Variants in EPB41L3 observed in about 807,000 individuals in gnomAD.
EPB41L3 encodes band 4.1-like protein 3.
EPB41L3 carries 57 observed loss-of-function variants against 127.1 expected under a neutral mutation model. The observed-to-expected ratio is 0.45, with a 90% CI of 0.36 to 0.56. The LOEUF (loss-of-function observed/expected upper bound fraction) is 0.56, where lower values mean the gene tolerates loss of function less well. EPB41L3 is among the 20% of genes least tolerant of loss of function. The probability of loss-of-function intolerance (pLI) is 0.00; values close to 1 mark genes in which losing one functional copy is unlikely to be tolerated. For missense variants in EPB41L3, 1,273 were observed against 1,372.2 expected, an observed-to-expected ratio of 0.93 and a Z score of 1.14; for synonymous variants, 572 against 549.5, an observed-to-expected ratio of 1.04 and a Z score of -0.57.
intron 3 of EPB41L3, among the ~76,000 whole-genome samples, chr18:5,597,044 G>A (rs1370770990): frequency 2.0e-5 from 3 of 152,168 alleles, no homozygotes; most frequent in South Asian, 2.1e-4. Flanking sequence ...GCAACTTTGC[G>A]ACACCCCCAT....
At chr18:5,520,704 T>C (rs1484192627) in intron 1 of EPB41L3, among the ~76,000 whole-genome samples, 1 of 152,154 alleles carries the variant, frequency 6.6e-6, no homozygotes, top group Non-Finnish European at 1.5e-5. Flanking sequence ...GAGGGGATCA[T>C]TAAATCAGCA....
Position 5,588,009 on chromosome 18 carries a change from C to G in EPB41L3, c.-306+24331G>C, listed in dbSNP as rs144309650. The stretch of plus-strand genomic sequence containing the variant: ...CGCAAAAGAACGCTAACATGGCACA[C>G]TTTAAAACAATATTCAGCATCACAG... On this transcript the variant is annotated intron_variant, in intron 3 of 21. Coordinates refer to the EPB41L3 transcript ENST00000545076. 1.5e-3 allele frequency among the ~76,000 whole-genome samples: 226 copies of G among 152,262 alleles called. 2 individuals carry two copies. The highest frequency in any genetic ancestry group is 0.015 in the South Asian group (70 of 4,822).
intron 2 of EPB41L3, 61 bp downstream of exon 2, chr18:5,488,940 A>T: frequency 6.6e-7 from 1 of 1,507,260 alleles, no homozygotes; most frequent in Non-Finnish European, 8.8e-7. Flanking sequence ...GACCAAGGTT[A>T]AAGCCGATCC....
chr18:5,630,392 C>T (rs577000206), upstream of EPB41L3: 1 of 518,824 alleles, frequency 1.9e-6, no homozygotes, highest in East Asian at 5.5e-5. Context: ...TCACCGAAGC[C>T]TTCCTTTGGG....
At chr18:5,427,545 G>T (rs935490869) in intron 9 of EPB41L3, among the ~76,000 whole-genome samples, 1 of 152,110 alleles carries the variant, frequency 6.6e-6, no homozygotes, top group Admixed American at 6.5e-5. Flanking sequence ...TTGAGCTATA[G>T]AACATTGATA....
At chr18:5,430,122 C>G (rs1412762619) in intron 8 of EPB41L3, among the ~76,000 whole-genome samples, 1 of 152,114 alleles carries the variant, frequency 6.6e-6, no homozygotes, top group African/African-American at 2.4e-5. Context: ...CCCGTTAATT[C>G]TTTGAATTTT....
At chr18:5,542,858 G>C (rs1008788129) in intron 1 of EPB41L3, among the ~76,000 whole-genome samples, 9 of 152,224 alleles carry the variant, frequency 5.9e-5, no homozygotes, top group Non-Finnish European at 8.8e-5. Flanking sequence ...GCGGGCGTGG[G>C]GGGGAAGGGG....
intron 6 of EPB41L3, among the ~76,000 whole-genome samples, chr18:5,436,621 G>C (rs969232170): frequency 6.6e-6 from 1 of 151,898 alleles, no homozygotes; most frequent in African/African-American, 2.4e-5. Context: ...TGTTAGCCAG[G>C]ATGGTCTTGA....
intron 3 of EPB41L3, among the ~76,000 whole-genome samples, chr18:5,596,109 A>C (rs1599194917): frequency 1.3e-5 from 2 of 152,216 alleles, no homozygotes; most frequent in African/African-American, 4.8e-5. Context: ...CATCCTCTGA[A>C]TATTTCTCTG....
chr18:5,558,546 T>A (rs1427023624), intron 3 of EPB41L3, among the ~76,000 whole-genome samples: 2 of 152,206 alleles, frequency 1.3e-5, no homozygotes, highest in Non-Finnish European at 2.9e-5. Context: ...TATATTTATT[T>A]AGGTATGTAG....
At chr18:5,499,427 C>G (rs897679356) in intron 1 of EPB41L3, among the ~76,000 whole-genome samples, 3 of 151,870 alleles carry the variant, frequency 2.0e-5, no homozygotes, top group African/African-American at 7.3e-5. Context: ...TCCTTTTACT[C>G]ACTGTAAGTC....
At chr18:5,422,099 T>C (rs937687264) in intron 11 of EPB41L3, among the ~76,000 whole-genome samples, 1 of 152,140 alleles carries the variant, frequency 6.6e-6, no homozygotes, top group Non-Finnish European at 1.5e-5. Context: ...GGCGGCCTTA[T>C]TCCTATTATA....
intron 1 of EPB41L3, among the ~76,000 whole-genome samples, chr18:5,519,917 T>C (rs2092917858): frequency 6.6e-6 from 1 of 152,200 alleles, no homozygotes; most frequent in Non-Finnish European, 1.5e-5. Context: ...ACTGTACAAA[T>C]GTTGGCTAGG....
chr18:5,594,126 A>C (rs956043789), intron 3 of EPB41L3, among the ~76,000 whole-genome samples: 2 of 152,238 alleles, frequency 1.3e-5, no homozygotes, highest in African/African-American at 4.8e-5. Flanking sequence ...GGGAAGTGAT[A>C]AGTGTCCATG....
intron 9 of EPB41L3, 74 bp from the exon 10 acceptor site, chr18:5,424,433 G>T (rs1568106026): frequency 6.0e-6 from 7 of 1,174,242 alleles, no homozygotes; most frequent in Non-Finnish European, 8.4e-6. Flanking sequence ...ATAAATTACA[G>T]AATCATGATG....
Position 5,506,313 on chromosome 18 carries a change from G to A in EPB41L3, c.-11-17119C>T, listed in dbSNP as rs948513668. Among the ~76,000 whole-genome samples, 8 of 152,036 alleles carry A rather than the reference G, an allele frequency of 5.3e-5. No homozygotes were observed. The East Asian group carries it at 5.8e-4, about 11-fold the overall frequency. ...AGAGTAAGCTCCACTGTCTGGATAC[G>A]CTGGCCTGAAAGAGCGCTACTCCAA... On this transcript the variant is annotated intron_variant, in intron 1 of 22. Transcript: ENST00000341928.
intron 14 of EPB41L3, among the ~76,000 whole-genome samples, chr18:5,410,328 T>C (rs973716071): frequency 2.0e-5 from 3 of 152,100 alleles, no homozygotes; most frequent in African/African-American, 7.2e-5. Context: ...AATCCTCAAG[T>C]CCACCCCCAG....
intron 1 of EPB41L3, among the ~76,000 whole-genome samples, chr18:5,512,649 C>T (rs556810148): frequency 9.2e-5 from 14 of 152,194 alleles, no homozygotes; most frequent in East Asian, 1.9e-4. Context: ...TTGAGGAATG[C>T]GTTTTGATGA....
intron 3 of EPB41L3, among the ~76,000 whole-genome samples, chr18:5,477,942 T>C (rs890981476): frequency 5.9e-5 from 9 of 152,322 alleles, no homozygotes; most frequent in African/African-American, 1.2e-4. Flanking sequence ...GCAGTCAGGA[T>C]ATTAAAGTCT....
Sources: allele counts gnomAD v4.1 joint callset (sites outside exome capture counted in the v4.1 genomes callset), GRCh38; gene constraint gnomAD v4.1.1; transcripts MANE v1.5; gene names NCBI Gene and HGNC (gene_info 2026-07-23, HGNC 2026-07-21).